The following TASOR variants were observed in gnomAD, a reference collection of about 807,000 sequenced individuals.
TASOR encodes the protein protein TASOR.
TASOR carries 53 observed loss-of-function variants against 178.6 expected under a neutral mutation model. That is an observed-to-expected ratio of 0.30 (90% confidence interval 0.24 to 0.37). The LOEUF (loss-of-function observed/expected upper bound fraction) is 0.37. Ranked by LOEUF, TASOR falls within the 10% of genes least tolerant of loss-of-function variation. The pLI is 1.00. For synonymous variants in TASOR, 713 were observed against 696.2 expected, an observed-to-expected ratio of 1.02 and a Z score of -0.38; for missense variants, 1,815 against 1,971.4, an observed-to-expected ratio of 0.92 and a Z score of 1.50.
Position 56,682,952 on chromosome 3 carries a change from T to C in TASOR, c.55A>G (p.Ser19Gly). The C allele has an allele frequency of 1.3e-6, 2 of 1,549,712 alleles. No individual in the cohort carries two copies. The highest frequency in any genetic ancestry group is 1.7e-6 in the Non-Finnish European group (2 of 1,146,492). ...ATCTCGTCGTCTCCGCCGCCGCCAC[T>C]TTCCCAACTCGCATCCGTCGGCTGA... ...ACQPTDASWE[S>G]GGGGDDEMKQ... Residue 19 changes from serine to glycine, a missense_variant, in exon 1 of 24, where the codon AGT (serine) becomes GGT (glycine). Ser to Gly is a moderately conservative substitution (Grantham distance 56). Transcript: ENST00000683822.
In TASOR at chr3:56,682,752, C is replaced by T. The variant is rs1269018979; in HGVS notation, c.255G>A (p.Leu85=). ...TTTCGGGCTCTTCGGGGCCTCTGGGCAGGGCGGCCGCGCCCGCCTCAGAGG... is the reference window on the plus strand; with the variant it reads ...TTTCGGGCTCTTCGGGGCCTCTGGGTAGGGCGGCCGCGCCCGCCTCAGAGG... ...QDSSEAGAAA[L]PRGPEEPERP... is the part of the protein sequence containing the mutation. Residue 85 remains leucine (L), a synonymous_variant, in exon 1 of 24, where the codon CTG becomes CTA. Coordinates refer to ENST00000683822, the MANE Select transcript of TASOR (RefSeq NM_001365635.2). 3 of 1,537,146 alleles carry T rather than the reference C, an allele frequency of 2.0e-6. No individual in the cohort carries two copies. The highest frequency in any genetic ancestry group is 2.5e-5 in the East Asian group (1 of 40,586).
At position 56,645,410 on chromosome 3, in the gene TASOR, A is replaced by AGACACACTG. The variant is rs1426013384; in HGVS notation, c.2215+1103_2215+1111dup. ...ACACTGATCTGACTAACCTAGACTAAGACACACTGAATCTGAAGAGACAAG... is the reference window on the plus strand; with the variant it reads ...ACACTGATCTGACTAACCTAGACTAAGACACACTGGACACACTGAATCTGAAGAGACAAG... On this transcript the variant is annotated intron_variant, in intron 14 of 23. Transcript: ENST00000683822. 7.2e-5 allele frequency among the ~76,000 whole-genome samples: 11 copies of AGACACACTG among 152,348 alleles called. 1 individual carries two copies. The South Asian group carries it at 2.1e-3, about 29-fold the overall frequency.
chr3:56,674,378 T>C (rs1199921036), intron 1 of TASOR, among the ~76,000 whole-genome samples: 1 of 146,520 alleles, frequency 6.8e-6, no homozygotes, highest in Non-Finnish European at 1.5e-5. Context: ...GGCATGGTGG[T>C]GCATGCCTGT....
intron 11 of TASOR, 113 bp downstream of exon 11, chr3:56,660,618 G>C: frequency 2.8e-6 from 2 of 721,290 alleles, no homozygotes; most frequent in South Asian, 3.7e-5. Context: ...GCAACAGACA[G>C]ACACCTCATG....
In TASOR at chr3:56,623,553, G is replaced by A. The variant is rs753555079; in HGVS notation, c.4497C>T (p.Asn1499=). The part of the protein sequence containing the change: ...NLESQSALLE[N]DEKDEEDMSL... ...ACATATCCTCTTCATCCTTTTCATC[G>A]TTTTCTAAAAGAGCTACATTTAAAA... Residue 1499 remains asparagine, a synonymous_variant, in exon 24 of 24, where the codon AAC becomes AAT. Coordinates refer to ENST00000683822, the MANE Select transcript of TASOR (RefSeq NM_001365635.2). 1.4e-5 allele frequency: 22 copies of A among 1,570,588 alleles called. No individual in the cohort carries two copies. The highest frequency in any genetic ancestry group is 8.4e-5 in the South Asian group (7 of 83,756).
At chr3:56,642,453 T>C (rs1393624254) in intron 14 of TASOR, among the ~76,000 whole-genome samples, 1 of 152,228 alleles carries the variant, frequency 6.6e-6, no homozygotes, top group African/African-American at 2.4e-5. Context: ...AGTCATGTGC[T>C]TTAATATTGG....
intron 18 of TASOR, among the ~76,000 whole-genome samples, chr3:56,631,591 T>TG (rs1553722186): frequency 1.3e-4 from 9 of 69,890 alleles, no homozygotes; most frequent in Admixed American, 2.0e-4. Context: ...TTTGTTTTTT[T>TG]TTTTTTTTTT....
intron 14 of TASOR, among the ~76,000 whole-genome samples, chr3:56,644,339 T>C (rs866547405): frequency 6.6e-6 from 1 of 151,524 alleles, no homozygotes; most frequent in Non-Finnish European, 1.5e-5. Context: ...TAAGACAGTA[T>C]GTGTCAGTAA....
intron 6 of TASOR, among the ~76,000 whole-genome samples, chr3:56,667,651 C>T (rs945431689): frequency 5.3e-5 from 8 of 152,070 alleles, no homozygotes; most frequent in East Asian, 3.9e-4. Flanking sequence ...AGCGAGACTC[C>T]GTCTCAAAAC....
intron 17 of TASOR, among the ~76,000 whole-genome samples, chr3:56,637,998 T>C (rs546861314): frequency 6.6e-6 from 1 of 152,188 alleles, no homozygotes; most frequent in Admixed American, 6.5e-5. Context: ...TCAGAAGAAC[T>C]AGGTTAAAAG....
chr3:56,644,967 C>A (rs2077205591), intron 14 of TASOR, among the ~76,000 whole-genome samples: 2 of 152,016 alleles, frequency 1.3e-5, no homozygotes, highest in Admixed American at 6.6e-5. Flanking sequence ...AATACCATAA[C>A]AATAAAAGAA....
intron 15 of TASOR, among the ~76,000 whole-genome samples, chr3:56,641,047 A>G (rs888840840): frequency 2.6e-5 from 4 of 152,192 alleles, no homozygotes; most frequent in African/African-American, 9.7e-5. Flanking sequence ...ATGAAACAAT[A>G]AGGAATTAAC....
chr3:56,626,623 A>G (rs540717201), intron 21 of TASOR, among the ~76,000 whole-genome samples: 2 of 152,232 alleles, frequency 1.3e-5, no homozygotes, highest in African/African-American at 4.8e-5. Context: ...GGCGCCTGTA[A>G]TCTCAGCTAC....
intron 11 of TASOR, among the ~76,000 whole-genome samples, chr3:56,658,906 T>C (rs2077530802): frequency 7.2e-6 from 1 of 139,464 alleles, no homozygotes; most frequent in Admixed American, 7.1e-5. Context: ...AGAGTCTGTC[T>C]CAAAAAAAAA....
At chr3:56,644,738 A>T (rs1002941088) in intron 14 of TASOR, among the ~76,000 whole-genome samples, 63 of 152,228 alleles carry the variant, frequency 4.1e-4, no homozygotes, top group African/African-American at 1.5e-3. Flanking sequence ...GAACACAGAC[A>T]AAGAGTAACA....
At position 56,647,215 on chromosome 3, in the gene TASOR, CT is replaced by C; in HGVS notation, c.1521del (p.Gly508ValfsTer18). On this transcript the variant is annotated frameshift_variant, in exon 14 of 24. Transcript: ENST00000683822. LOFTEE classifies it high-confidence loss of function. ...QEPRSIVTSQKGSTNAAPQER... is the reference protein window; with the variant it reads ...QEPRSIVTSQXGSTNAAPQER... The stretch of plus-strand genomic sequence containing the variant: ...TCCTGTGGTGCTGCATTGGTTGAAC[CT>C]TTTTGTGCTGTAAATAAAACAAACA... The C allele has an allele frequency of 6.5e-7, 1 of 1,528,936 alleles. No individual in the cohort carries two copies. Among genetic ancestry groups the C allele is most frequent in the South Asian group, 1.3e-5 (1 of 75,524 alleles). 94.7% of individuals were successfully genotyped at this position (1,528,936 alleles called of 1,614,324 possible). A position where few individuals can be genotyped will look rare whatever the true frequency, so the allele number is the denominator to read the frequency against.
At chr3:56,668,184 C>T (rs1458255733) in intron 6 of TASOR, among the ~76,000 whole-genome samples, 1 of 152,120 alleles carries the variant, frequency 6.6e-6, no homozygotes, top group African/African-American at 2.4e-5. Context: ...ATAAATATTA[C>T]CCTGTAACCT....
chr3:56,680,679 A>C (rs1200769680), intron 1 of TASOR, among the ~76,000 whole-genome samples: 1 of 152,056 alleles, frequency 6.6e-6, no homozygotes, highest in Non-Finnish European at 1.5e-5. Context: ...CTGCTTATTT[A>C]ATTTTTTAAA....
chr3:56,637,484 G>A (rs2077040555), intron 17 of TASOR, among the ~76,000 whole-genome samples: 1 of 151,850 alleles, frequency 6.6e-6, no homozygotes, highest in Non-Finnish European at 1.5e-5. Context: ...TCATGCCATT[G>A]CACTCCAGCC....
Sources: allele counts gnomAD v4.1 joint callset (sites outside exome capture counted in the v4.1 genomes callset), GRCh38; gene constraint gnomAD v4.1.1; transcripts MANE v1.5; gene names NCBI Gene and HGNC (gene_info 2026-07-23, HGNC 2026-07-21).